Variants in SUCLG1 observed in about 807,000 individuals in gnomAD.
SUCLG1 encodes succinate--CoA ligase [ADP/GDP-forming] subunit alpha, mitochondrial.
A neutral mutation model predicts 37.3 loss-of-function variants in SUCLG1; 26 were observed. The ratio of observed to expected loss-of-function variants is 0.70; its 90% CI spans 0.51 to 0.97. SUCLG1 has a LOEUF of 0.97. Ranked by LOEUF, SUCLG1 falls within the 50% of genes least tolerant of loss-of-function variation. SUCLG1 has a pLI of 0.00. For synonymous variants in SUCLG1, 163 were observed against 155.6 expected, an observed-to-expected ratio of 1.05 and a Z score of -0.36; for missense variants, 433 against 432.9, an observed-to-expected ratio of 1.00 and a Z score of 0.00.
intron 1 of SUCLG1, among the ~76,000 whole-genome samples, chr2:84,452,203 G>A (rs2104266860): frequency 6.6e-6 from 1 of 151,670 alleles, no homozygotes; most frequent in Admixed American, 6.6e-5. Flanking sequence ...AAAAAGCCTT[G>A]GGCATTTGGG....
At chr2:84,432,441 G>A (rs1248690595) in intron 6 of SUCLG1, 1 of 152,166 alleles carries the variant, frequency 6.6e-6, no homozygotes, top group Non-Finnish European at 1.5e-5. Context: ...CGTTAGATCT[G>A]TCATTTCCTA....
chr2:84,437,195 T>C (rs756955601), intron 5 of SUCLG1, among the ~76,000 whole-genome samples: 1 of 152,236 alleles, frequency 6.6e-6, no homozygotes, highest in Non-Finnish European at 1.5e-5. Flanking sequence ...TGTAATGGTG[T>C]ATTCCTATCA....
intron 8 of SUCLG1, among the ~76,000 whole-genome samples, chr2:84,425,199 T>G (rs971101683): frequency 1.3e-5 from 2 of 152,206 alleles, no homozygotes; most frequent in Non-Finnish European, 2.9e-5. Flanking sequence ...AAAATCCCAA[T>G]GTTTAAAGAA....
intron 1 of SUCLG1, among the ~76,000 whole-genome samples, chr2:84,457,366 G>A (rs956283196): frequency 4.6e-5 from 7 of 152,044 alleles, no homozygotes; most frequent in African/African-American, 1.7e-4. Flanking sequence ...TCTCAGACCC[G>A]TAATAACAAG....
At chr2:84,447,350 G>A (rs755755163) in intron 2 of SUCLG1, among the ~76,000 whole-genome samples, 3 of 152,090 alleles carry the variant, frequency 2.0e-5, no homozygotes, top group African/African-American at 7.2e-5. Context: ...TTAACTGCAG[G>A]TAACTGAAAA....
intron 5 of SUCLG1, among the ~76,000 whole-genome samples, chr2:84,436,287 A>C (rs936020905): frequency 1.3e-5 from 2 of 152,270 alleles, no homozygotes; most frequent in African/African-American, 2.4e-5. Flanking sequence ...TAAAATCATA[A>C]TAATGCTTTT....
intron 1 of SUCLG1, 98 bp from the exon 2 acceptor site, chr2:84,449,850 C>A (rs544804961): frequency 4.2e-5 from 37 of 886,406 alleles, no homozygotes; most frequent in South Asian, 3.8e-4. Context: ...AAAAAAAATT[C>A]TTTAATGCAC....
chr2:84,426,331 A>G (rs72830146), intron 7 of SUCLG1: 10,548 of 152,044 alleles, frequency 0.069, 546 homozygotes, highest in South Asian at 0.19. Context: ...CATGCAAAGT[A>G]GTTGAAGAAA....
chr2:84,449,559 G>A (rs1391821515), intron 2 of SUCLG1, 90 bp downstream of exon 2: 1 of 877,120 alleles, frequency 1.1e-6, no homozygotes, highest in Non-Finnish European at 1.8e-6. Context: ...CAACAATCAT[G>A]TGTTATTTTT....
intron 5 of SUCLG1, among the ~76,000 whole-genome samples, chr2:84,437,387 T>A (rs1007794643): frequency 6.6e-6 from 1 of 152,174 alleles, no homozygotes. Flanking sequence ...GGCATTTCAC[T>A]GAAAAAGATA....
At chr2:84,448,356 T>A (rs1573374005) in intron 2 of SUCLG1, among the ~76,000 whole-genome samples, 1 of 152,000 alleles carries the variant, frequency 6.6e-6, no homozygotes, top group Non-Finnish European at 1.5e-5. Context: ...TAAAATACTT[T>A]TGAGTAGTTG....
At chr2:84,433,127 G>T in intron 6 of SUCLG1, 1 of 587,670 alleles carries the variant, frequency 1.7e-6, no homozygotes, top group Non-Finnish European at 3.0e-6. Context: ...GGAGCCACGT[G>T]TTCCAAGATG....
rs1673110960 is a variant in SUCLG1 at position 84,459,254 on chromosome 2, C to T, written c.16G>A (p.Ala6Thr). The stretch of plus-strand genomic sequence containing the variant: ...ATGGTAGCGATGTCAGCGGCAGCGG[C>T]AAGGGTTGCGGTCATACGCCAATGA... MTATL[A>T]AAADIATMVS... is the part of the protein sequence containing the mutation. The change falls in exon 1 of 9, where the codon GCC (alanine) becomes ACC (threonine). Residue 6 changes from alanine to threonine, a missense_variant. Physicochemically the swap from Ala to Thr is moderately conservative, Grantham distance 58. Transcript: ENST00000393868. The T allele has an allele frequency of 1.3e-6, 2 of 1,550,710 alleles. No homozygotes were observed. Among genetic ancestry groups the T allele is most frequent in the Non-Finnish European group, 1.7e-6 (2 of 1,146,890 alleles).
rs752665358 is a variant in SUCLG1, at chr2:84,449,638, G to A, written c.201+11C>T. On this transcript the variant is annotated intron_variant, in intron 2 of 8. Transcript: ENST00000393868. ...GTCTACATTTGAAAATAAAAATCTA[G>A]ATATACATACCTGTTTGCCAGTGAA... 6.5e-6 allele frequency: 10 copies of A among 1,529,814 alleles called. No homozygotes were observed. The highest frequency in any genetic ancestry group is 8.0e-6 in the Non-Finnish European group (9 of 1,118,172). 94.8% of individuals were successfully genotyped at this position (1,529,814 alleles called of 1,614,324 possible).
chr2:84,451,350 T>C (rs1672939037), intron 1 of SUCLG1, among the ~76,000 whole-genome samples: 1 of 152,234 alleles, frequency 6.6e-6, no homozygotes, highest in African/African-American at 2.4e-5. Context: ...TAAGATCAGA[T>C]GTTATGATCA....
chr2:84,459,252 G>A lies in SUCLG1; in HGVS notation c.18C>T (p.Ala6=), dbSNP rs1348896779. The change falls in exon 1 of 9, where the codon GCC becomes GCT. Residue 6 remains alanine (A), a synonymous_variant. Coordinates refer to ENST00000393868, the MANE Select transcript of SUCLG1 (RefSeq NM_003849.4). MTATL[A]AAADIATMVS... ...CCATGGTAGCGATGTCAGCGGCAGC[G>A]GCAAGGGTTGCGGTCATACGCCAAT... 3 of 1,550,680 alleles carry A rather than the reference G, an allele frequency of 1.9e-6. No homozygotes were observed. The highest frequency in any genetic ancestry group is 1.4e-5 in the African/African-American group (1 of 73,140).
At chr2:84,447,239 C>T (rs997618911) in intron 2 of SUCLG1, among the ~76,000 whole-genome samples, 2 of 152,122 alleles carry the variant, frequency 1.3e-5, no homozygotes, top group African/African-American at 4.8e-5. Flanking sequence ...CAGACCTCAC[C>T]ATTATCTCTA....
chr2:84,458,965 G>A (rs1462331153), intron 1 of SUCLG1, among the ~76,000 whole-genome samples: 2 of 152,178 alleles, frequency 1.3e-5, no homozygotes, highest in African/African-American at 4.8e-5. Flanking sequence ...CCATCTGCCA[G>A]CGGCCTAAGT....
intron 3 of SUCLG1, among the ~76,000 whole-genome samples, chr2:84,441,983 T>C (rs1350277331): frequency 2.0e-5 from 3 of 152,120 alleles, no homozygotes; most frequent in Non-Finnish European, 4.4e-5. Context: ...ACAGCAAATA[T>C]TGTGCTGGGA....
Sources: gnomAD v4.1 joint callset for allele counts (sites outside exome capture counted in the v4.1 genomes callset) on GRCh38, gnomAD v4.1.1 for gene constraint, MANE v1.5 for transcripts, NCBI Gene and HGNC (gene_info 2026-07-23, HGNC 2026-07-21) for gene names.